Variants in PKHD1 observed in about 807,000 individuals in gnomAD.
The protein encoded by PKHD1 is PKHD1 ciliary IPT domain containing fibrocystin/polyductin, also known as fibrocystin.
A neutral mutation model predicts 412.0 loss-of-function variants in PKHD1; 291 were observed. The ratio of observed to expected loss-of-function variants is 0.71; its 90% confidence interval spans 0.64 to 0.78. The LOEUF (loss-of-function observed/expected upper bound fraction) is 0.78, where lower values mean the gene tolerates loss of function less well. Ranked by LOEUF, PKHD1 falls within the 30% of genes least tolerant of loss-of-function variation. The pLI, the probability that PKHD1 is intolerant of heterozygous loss-of-function variation, is 0.00. For missense variants in PKHD1, 4,825 were observed against 4,950.7 expected (o/e 0.97, Z 0.76); for synonymous variants, 1,777 against 1,821.5 (o/e 0.98, Z 0.62).
At chr6:51,631,333 A>G (rs1359533498) in intron 65 of PKHD1, among the ~76,000 whole-genome samples, 1 of 152,212 alleles carries the variant, frequency 6.6e-6, no homozygotes, top group East Asian at 1.9e-4. Flanking sequence ...CTTCTTCTTC[A>G]GAAAGACAAG....
rs144893425 is a variant in PKHD1, at chr6:52,037,403, C to T, written c.3098-1682G>A. 9.7e-3 allele frequency among the ~76,000 whole-genome samples: 1,471 copies of T among 151,814 alleles called. 5 individuals are homozygous for T. The highest frequency in any genetic ancestry group is 0.014 in the Non-Finnish European group (962 of 67,890). On this transcript the variant is annotated intron_variant, in intron 27 of 66. Coordinates refer to ENST00000371117, the MANE Select transcript of PKHD1 (RefSeq NM_138694.4). ...ATTATGTAAAAATTAAAAATATTTA[C>T]GAATTTCCAAAATAAAAAACAAAGA...
Position 51,699,890 on chromosome 6 carries a change from A to C in PKHD1, c.10157-39921T>G, listed in dbSNP as rs377403473. Among the ~76,000 whole-genome samples the C allele has an allele frequency of 2.4e-3, 355 of 149,534 alleles. 1 individual carries two copies. The highest frequency in any genetic ancestry group is 7.8e-3 in the African/African-American group (318 of 40,574). On this transcript the variant is annotated intron_variant, in intron 60 of 66. Transcript: ENST00000371117. ...TATGCTGGGAATAGTATTAAATAGA[A>C]CAAATTTGGCCTCTGGAATATATAT...
At chr6:51,843,562 C>T (rs924677047) in intron 50 of PKHD1, among the ~76,000 whole-genome samples, 10 of 152,194 alleles carry the variant, frequency 6.6e-5, no homozygotes, top group Non-Finnish European at 1.2e-4. Context: ...GGCATCAAAT[C>T]GCATGAAGGG....
intron 50 of PKHD1, among the ~76,000 whole-genome samples, chr6:51,847,551 G>A (rs534410885): frequency 6.6e-6 from 1 of 152,240 alleles, no homozygotes; most frequent in Non-Finnish European, 1.5e-5. Context: ...CTCTATAGAG[G>A]AGGAGGCTGA....
At chr6:51,939,878 AC>A (rs1788193728) in intron 36 of PKHD1, among the ~76,000 whole-genome samples, 1 of 150,280 alleles carries the variant, frequency 6.7e-6, no homozygotes, top group Non-Finnish European at 1.5e-5. Context: ...CTGCTCCCCC[AC>A]CCTATAATCC....
chr6:51,686,804 ACT>A (rs1777504797), intron 60 of PKHD1, among the ~76,000 whole-genome samples: 1 of 152,108 alleles, frequency 6.6e-6, no homozygotes, highest in Admixed American at 6.6e-5. Flanking sequence ...TCAATGATTA[ACT>A]CTAGAATTTT....
chr6:52,057,311 C>G (rs1807908882), intron 16 of PKHD1, among the ~76,000 whole-genome samples: 1 of 152,256 alleles, frequency 6.6e-6, no homozygotes. Context: ...GAAGCAGCTC[C>G]ATGGCATGCA....
chr6:51,906,180 A>C (rs1782051952), intron 41 of PKHD1, 35 bp downstream of exon 41: 1 of 1,588,710 alleles, frequency 6.3e-7, no homozygotes. Flanking sequence ...GTCCTACACA[A>C]GAATGCAGAA....
In PKHD1 at chr6:51,912,589, G is replaced by T. The variant is rs757378511; in HGVS notation, c.6122-13C>A. The T allele has an allele frequency of 1.3e-6, 2 of 1,567,278 alleles. No individual in the cohort carries two copies. Among genetic ancestry groups the T allele is most frequent in the Non-Finnish European group, 1.8e-6 (2 of 1,137,634 alleles). On this transcript the variant is annotated splice_polypyrimidine_tract_variant and intron_variant, in intron 37 of 66. Transcript: ENST00000371117. ...TCTGGTAGTGAACCTAAAGCAGCCC[G>T]AGGAAAAGTTGTCCAGATAATTTAA...
At chr6:52,047,332 A>G (rs1462086640) in intron 23 of PKHD1, among the ~76,000 whole-genome samples, 1 of 152,162 alleles carries the variant, frequency 6.6e-6, no homozygotes, top group Non-Finnish European at 1.5e-5. Context: ...CTATTATAAT[A>G]AAAATACCAC....
At chr6:52,077,791 C>T (rs1289698453) in intron 5 of PKHD1, among the ~76,000 whole-genome samples, 1 of 152,128 alleles carries the variant, frequency 6.6e-6, no homozygotes, top group Non-Finnish European at 1.5e-5. Flanking sequence ...TACTTCACAG[C>T]TTGGGAACTG....
chr6:51,739,283 T>C (rs1440220387), intron 60 of PKHD1, among the ~76,000 whole-genome samples: 5 of 151,730 alleles, frequency 3.3e-5, no homozygotes, highest in Non-Finnish European at 4.4e-5. Flanking sequence ...CAGGCTGGAG[T>C]GCAGTGGCGT....
rs889072345 is a variant in PKHD1 at position 51,917,204 on chromosome 6, G to C, written c.6122-4628C>G. On this transcript the variant is annotated intron_variant, in intron 37 of 66. Transcript: ENST00000371117. ...GAGGGAGAGGTGGGGGGGAGAGAGA[G>C]AGAGAGAGAGAGAAAGGAGAAAGAA... 2.7e-4 allele frequency among the ~76,000 whole-genome samples: 40 copies of C among 149,894 alleles called. 1 individual carries two copies. The highest frequency in any genetic ancestry group is 9.3e-4 in the African/African-American group (38 of 40,642).
At chr6:51,925,778 CCTT>C (rs1322408352) in intron 37 of PKHD1, among the ~76,000 whole-genome samples, 1 of 152,014 alleles carries the variant, frequency 6.6e-6, no homozygotes, top group Non-Finnish European at 1.5e-5. Context: ...TTCTCTCCCT[CCTT>C]CTCTCTCCCT....
chr6:51,765,232 C>G (rs1178537840), intron 55 of PKHD1, among the ~76,000 whole-genome samples: 1 of 151,980 alleles, frequency 6.6e-6, no homozygotes, highest in Non-Finnish European at 1.5e-5. Flanking sequence ...CTGCCTCTTC[C>G]AGAGTCCCAG....
intron 22 of PKHD1, 96 bp downstream of exon 22, chr6:52,050,061 A>G (rs1806537244): frequency 2.6e-6 from 3 of 1,144,890 alleles, no homozygotes; most frequent in East Asian, 4.8e-5. Flanking sequence ...AAGCAACAAG[A>G]CAGGTAGCTT....
chr6:51,787,888 C>A (rs1322752305), intron 53 of PKHD1, among the ~76,000 whole-genome samples: 1 of 152,032 alleles, frequency 6.6e-6, no homozygotes, highest in African/African-American at 2.4e-5. Flanking sequence ...TAAAAGATAT[C>A]AACTGGAAAT....
chr6:51,721,597 A>G (rs1385827757), intron 60 of PKHD1: 36 of 1,046,712 alleles, frequency 3.4e-5, no homozygotes, highest in Non-Finnish European at 3.9e-5. Flanking sequence ...TCTCTCATAT[A>G]GTGGGTACCC....
chr6:51,646,010 T>C (rs969491395), intron 63 of PKHD1, among the ~76,000 whole-genome samples: 7 of 152,244 alleles, frequency 4.6e-5, no homozygotes, highest in Admixed American at 4.6e-4. Context: ...GGACACTTTT[T>C]AAATTTTCTC....
Sources: gnomAD v4.1 joint callset for allele counts (sites outside exome capture counted in the v4.1 genomes callset) on GRCh38, gnomAD v4.1.1 for gene constraint, MANE v1.5 for transcripts, NCBI Gene and HGNC (gene_info 2026-07-23, HGNC 2026-07-21) for gene names.